The following CDH19 variants were observed in gnomAD, a reference collection of about 807,000 sequenced individuals.
CDH19 encodes cadherin-19.
In CDH19, 67 loss-of-function variants were observed where a neutral mutation model predicts 64.2. That is an observed-to-expected ratio of 1.04 (90% confidence interval 0.86 to 1.28). The LOEUF (loss-of-function observed/expected upper bound fraction) is 1.28, where lower values mean the gene tolerates loss of function less well. Among genes scored for constraint, CDH19 ranks in the 50% most tolerant of loss-of-function variants. The probability of loss-of-function intolerance (pLI) is 0.00; values close to 1 mark genes in which losing one functional copy is unlikely to be tolerated. For synonymous variants in CDH19, 346 were observed against 319.3 expected, an observed-to-expected ratio of 1.08 and a Z score of -0.89; for missense variants, 1,030 against 929.0, an observed-to-expected ratio of 1.11 and a Z score of -1.41.
intron 1 of CDH19, among the ~76,000 whole-genome samples, chr18:66,590,506 T>C (rs1158540528): frequency 2.7e-5 from 4 of 145,736 alleles, no homozygotes; most frequent in African/African-American, 7.7e-5. Context: ...AGAAGCCATT[T>C]TCTGGAATAC....
chr18:66,511,952 GA>G (rs1985513794), intron 9 of CDH19, among the ~76,000 whole-genome samples: 1 of 151,484 alleles, frequency 6.6e-6, no homozygotes. Flanking sequence ...GCTGTTTGTT[GA>G]AAGTCTCCAA....
chr18:66,587,214 C>T (rs1988603132), intron 1 of CDH19, among the ~76,000 whole-genome samples: 1 of 152,102 alleles, frequency 6.6e-6, no homozygotes, highest in African/African-American at 2.4e-5. Flanking sequence ...TAATGACCAA[C>T]TGGATGTCAA....
intron 1 of CDH19, among the ~76,000 whole-genome samples, chr18:66,598,261 C>T (rs1988954362): frequency 6.6e-6 from 1 of 152,152 alleles, no homozygotes; most frequent in Non-Finnish European, 1.5e-5. Flanking sequence ...GATCTTAGAA[C>T]TACCACTCAA....
chr18:66,511,646 T>C lies in CDH19; in HGVS notation c.1498A>G (p.Ile500Val). 6.3e-7 allele frequency: 1 copy of C among 1,578,716 alleles called. No homozygotes were observed. The highest frequency in any genetic ancestry group is 8.7e-7 in the Non-Finnish European group (1 of 1,149,130). Reference sequence around the variant, plus strand: ...TTAAAGTAAAAATGGTGCTCTTCTATGGATTCATCTCTATCCACTGCACTG... The same window carrying C: ...TTAAAGTAAAAATGGTGCTCTTCTACGGATTCATCTCTATCCACTGCACTG... The part of the protein sequence containing the change: ...TISAVDRDES[I>V]EEHHFYFNLS... Residue 500 changes from isoleucine to valine, a missense_variant, in exon 10 of 12, where the codon ATA (isoleucine) becomes GTA (valine). By Grantham distance (29) the Ile-to-Val change is conservative (BLOSUM62 3). Coordinates refer to ENST00000262150, the MANE Select transcript of CDH19 (RefSeq NM_021153.4).
intron 10 of CDH19, among the ~76,000 whole-genome samples, chr18:66,510,582 CAAATAA>C (rs1568171065): frequency 1.1e-5 from 1 of 91,804 alleles, no homozygotes; most frequent in Non-Finnish European, 2.1e-5. Flanking sequence ...AAGTCTGCAA[CAAATAA>C]TAATAATAAT....
intron 2 of CDH19, among the ~76,000 whole-genome samples, chr18:66,569,575 T>C (rs1293707793): frequency 6.6e-6 from 1 of 151,652 alleles, no homozygotes; most frequent in Non-Finnish European, 1.5e-5. Context: ...CATTTTCATA[T>C]TTTCAAAAAG....
chr18:66,586,546 G>T (rs1375843199), intron 1 of CDH19, among the ~76,000 whole-genome samples: 2 of 149,820 alleles, frequency 1.3e-5, no homozygotes, highest in African/African-American at 4.9e-5. Context: ...TTTATAAAAA[G>T]GAAAAAAAAA....
chr18:66,596,998 C>T (rs1988910031), intron 1 of CDH19, among the ~76,000 whole-genome samples: 3 of 135,318 alleles, frequency 2.2e-5, no homozygotes, highest in African/African-American at 5.4e-5. Flanking sequence ...AGGAGAATGG[C>T]GTTAACCCGG....
At chr18:66,543,847 T>A in intron 7 of CDH19, 124 bp downstream of exon 7, 1 of 695,138 alleles carries the variant, frequency 1.4e-6, no homozygotes, top group Non-Finnish European at 2.3e-6. Flanking sequence ...TGCGCCACTG[T>A]ACTCGAGCCT....
rs574156931 is a variant in CDH19 at position 66,554,385 on chromosome 18, C to A, written c.610+20G>T. ...TTCTTTAGAATCATGTTAAACTTTG[C>A]TTGTTTCATTCACAAATACCTGTTG... On this transcript the variant is annotated intron_variant, in intron 4 of 11. Coordinates refer to ENST00000262150, the MANE Select transcript of CDH19 (RefSeq NM_021153.4). 2.5e-5 allele frequency: 41 copies of A among 1,608,448 alleles called. No homozygotes were observed. In the South Asian group the frequency reaches 4.0e-4, roughly 16 times the overall value.
rs149304736 is a variant in CDH19 at position 66,590,170 on chromosome 18, T to C, written c.-113+13784A>G. ...ATCCCACTCCACAGCTACTGATTCA[T>C]GAGCTGGGTATTTTTTTTAACAAGC... On this transcript the variant is annotated intron_variant, in intron 1 of 11. Transcript: ENST00000262150. 7.5e-3 allele frequency among the ~76,000 whole-genome samples: 1,136 copies of C among 151,936 alleles called. 14 individuals carry two copies. The highest frequency in any genetic ancestry group is 0.026 in the African/African-American group (1,083 of 41,506).
At chr18:66,559,464 A>G (rs1400047207) in intron 3 of CDH19, among the ~76,000 whole-genome samples, 1 of 151,784 alleles carries the variant, frequency 6.6e-6, no homozygotes, top group Non-Finnish European at 1.5e-5. Context: ...TAGACAATGC[A>G]ATGAGGCAAT....
chr18:66,551,516 A>G (rs541823835), intron 4 of CDH19, among the ~76,000 whole-genome samples: 11 of 152,190 alleles, frequency 7.2e-5, no homozygotes, highest in Admixed American at 2.6e-4. Context: ...CAGGTAGAAA[A>G]AAAAGAATGT....
At chr18:66,577,927 C>G (rs116254183) in intron 1 of CDH19, among the ~76,000 whole-genome samples, 1 of 151,942 alleles carries the variant, frequency 6.6e-6, no homozygotes, top group African/African-American at 2.4e-5. Flanking sequence ...TATTCCACCT[C>G]TAGGCCAGCA....
chr18:66,535,861 T>C (rs1330550767), intron 7 of CDH19, among the ~76,000 whole-genome samples: 1 of 147,396 alleles, frequency 6.8e-6, no homozygotes, highest in African/African-American at 2.5e-5. Context: ...TATGTATATA[T>C]GTATGTGATA....
chr18:66,561,959 C>T (rs1987738743), intron 3 of CDH19, among the ~76,000 whole-genome samples: 1 of 151,936 alleles, frequency 6.6e-6, no homozygotes, highest in Admixed American at 6.6e-5. Flanking sequence ...ATCTTGGCAA[C>T]TTTTCATAGC....
intron 9 of CDH19, among the ~76,000 whole-genome samples, chr18:66,514,528 A>G (rs1231841044): frequency 6.6e-6 from 1 of 151,502 alleles, no homozygotes; most frequent in Admixed American, 6.6e-5. Context: ...AAGAATATCA[A>G]GAAAATTAAT....
intron 11 of CDH19, among the ~76,000 whole-genome samples, chr18:66,508,396 G>A (rs1985304926): frequency 2.1e-5 from 3 of 141,268 alleles, no homozygotes; most frequent in African/African-American, 5.0e-5. Context: ...ATTTTACTGC[G>A]CTGTTTTTTT....
Position 66,582,481 on chromosome 18 carries a change from A to C in CDH19, c.-112-10165T>G, listed in dbSNP as rs573085596. Among the ~76,000 whole-genome samples, 141 of 152,154 alleles carry C rather than the reference A, an allele frequency of 9.3e-4. 1 individual carries two copies. Among genetic ancestry groups the C allele is most frequent in the East Asian group, 3.5e-3 (18 of 5,172 alleles). On this transcript the variant is annotated intron_variant, in intron 1 of 11. Coordinates refer to ENST00000262150, the MANE Select transcript of CDH19 (RefSeq NM_021153.4). ...TGAGTGGATACAGTTTGCATACATA[A>C]GTGAAAAGGAAGCAATATTTTGGGG...
Sources: gnomAD v4.1 joint callset for allele counts (sites outside exome capture counted in the v4.1 genomes callset) on GRCh38, gnomAD v4.1.1 for gene constraint, MANE v1.5 for transcripts, NCBI Gene and HGNC (gene_info 2026-07-23, HGNC 2026-07-21) for gene names.